Variants in C16orf96 observed in about 807,000 individuals in gnomAD.
The protein encoded by C16orf96 is uncharacterized protein C16orf96.
A neutral mutation model predicts 103.6 loss-of-function variants in C16orf96; 108 were observed. The observed-to-expected ratio is 1.04, with a 90% CI of 0.89 to 1.22. The LOEUF (loss-of-function observed/expected upper bound fraction) is 1.22, where lower values mean the gene tolerates loss of function less well. Ranked by LOEUF, C16orf96 falls within the 50% of genes most tolerant of loss-of-function variation. The probability of loss-of-function intolerance (pLI) is 0.00; values close to 1 mark genes in which losing one functional copy is unlikely to be tolerated. For missense variants in C16orf96, 1,586 were observed against 1,464.2 expected (o/e 1.08, Z -1.36); for synonymous variants, 566 against 593.5 (o/e 0.95, Z 0.67).
chr16:4,578,864 GAGAAGCAGCT>G (rs1567448556), intron 5 of C16orf96, 66 bp from the exon 6 acceptor site: 25 of 1,131,544 alleles, frequency 2.2e-5, no homozygotes, highest in Non-Finnish European at 2.9e-5. Context: ...TGCTCCATAA[GAGAAGCAGCT>G]AGAGCCCAAC....
chr16:4,544,752 A>G, the C16orf96 span, among the ~76,000 whole-genome samples: 1 of 152,170 alleles, frequency 6.6e-6, no homozygotes, highest in Non-Finnish European at 1.5e-5. Context: ...CCTCAGACCA[A>G]TGGCAGCTGG....
the C16orf96 span, among the ~76,000 whole-genome samples, chr16:4,544,716 C>T: frequency 1.3e-5 from 2 of 152,306 alleles, no homozygotes; most frequent in South Asian, 2.1e-4. Flanking sequence ...TAGGTCACTG[C>T]TCATAGTGCC....
chr16:4,577,230 C>G (rs1299407086), intron 5 of C16orf96, among the ~76,000 whole-genome samples: 1 of 152,010 alleles, frequency 6.6e-6, no homozygotes, highest in Non-Finnish European at 1.5e-5. Flanking sequence ...TTGTGATAGC[C>G]CATAAAACAG....
chr16:4,542,711 T>C, the C16orf96 span, among the ~76,000 whole-genome samples: 1 of 152,010 alleles, frequency 6.6e-6, no homozygotes, highest in Non-Finnish European at 1.5e-5. Flanking sequence ...GGCAGGAGAA[T>C]AGCTTCAACT....
chr16:4,576,395 G>C lies in C16orf96; in HGVS notation c.1915G>C (p.Gly639Arg), dbSNP rs972141746. The change falls in exon 5 of 16, where the codon GGC becomes CGC. Residue 639 changes from glycine to arginine, a missense_variant. By Grantham distance (125) the Gly-to-Arg change is moderately radical. Transcript: ENST00000444310. ...SRGATESQILGDDSEIYEILS... is the reference protein window; with the variant it reads ...SRGATESQILRDDSEIYEILS... ...GGGAGCCACAGAATCCCAGATCTTGGGCGATGATTCCGAAATCTACGAAAT... is the reference window on the plus strand; with the variant it reads ...GGGAGCCACAGAATCCCAGATCTTGCGCGATGATTCCGAAATCTACGAAAT... The C allele has an allele frequency of 1.9e-6, 3 of 1,550,932 alleles. No homozygotes were observed. The highest frequency in any genetic ancestry group is 2.7e-5 in the African/African-American group (2 of 73,042).
intron 7 of C16orf96, among the ~76,000 whole-genome samples, chr16:4,583,793 C>T (rs968142271): frequency 2.6e-5 from 4 of 151,626 alleles, no homozygotes; most frequent in Non-Finnish European, 4.4e-5. Flanking sequence ...GGCGTGGTGG[C>T]GCATGCCTGT....
At chr16:4,568,888 C>A (rs111874577) in intron 1 of C16orf96, among the ~76,000 whole-genome samples, 84 of 152,096 alleles carry the variant, frequency 5.5e-4, no homozygotes, top group African/African-American at 2.0e-3. Context: ...CTTCAGCCCC[C>A]CAAAATGCTG....
intron 7 of C16orf96, among the ~76,000 whole-genome samples, chr16:4,585,101 C>G (rs960926283): frequency 2.0e-5 from 3 of 151,960 alleles, no homozygotes; most frequent in Non-Finnish European, 4.4e-5. Context: ...GAGCTGAGCT[C>G]GCACCACTGC....
At chr16:4,554,973 G>A (rs2059249196), upstream of C16orf96, among the ~76,000 whole-genome samples, 2 of 151,716 alleles carry the variant, frequency 1.3e-5, no homozygotes. Context: ...CCAGAAAATG[G>A]AACACTTGGC....
chr16:4,564,537 G>C (rs138719806), intron 1 of C16orf96, among the ~76,000 whole-genome samples: 1 of 152,190 alleles, frequency 6.6e-6, no homozygotes, highest in African/African-American at 2.4e-5. Context: ...AAGGCTGGGC[G>C]TGGTGGTTTA....
At chr16:4,594,328 G>A in intron 12 of C16orf96, 23 bp from the exon 13 acceptor site, 1 of 1,548,720 alleles carries the variant, frequency 6.5e-7, no homozygotes. Flanking sequence ...CCAGGTCGCT[G>A]CTGACCCACT....
chr16:4,552,776 C>G (rs928805269), upstream of C16orf96, among the ~76,000 whole-genome samples: 14 of 152,178 alleles, frequency 9.2e-5, no homozygotes, highest in African/African-American at 3.4e-4. Context: ...AATTTCTGCT[C>G]TGTCAGAGCA....
intron 7 of C16orf96, among the ~76,000 whole-genome samples, chr16:4,584,003 A>C (rs1262686452): frequency 2.0e-5 from 3 of 152,072 alleles, no homozygotes; most frequent in African/African-American, 7.2e-5. Flanking sequence ...TGACCACTAC[A>C]GGAAGGATGG....
At position 4,597,532 on chromosome 16, in the gene C16orf96, GAA is replaced by G. The variant is rs577548118; in HGVS notation, c.3128-1751_3128-1750del. 6.6e-5 allele frequency among the ~76,000 whole-genome samples: 10 copies of G among 151,974 alleles called. 1 individual carries two copies. In the South Asian group the frequency reaches 2.1e-3, roughly 32 times the overall value. ...AGACCCACACAGCAAGCCAGGACTT[GAA>G]TCATGATGGCGTCAACTGCTTCATC... On this transcript the variant is annotated intron_variant, in intron 14 of 15. Coordinates refer to ENST00000444310, the MANE Select transcript of C16orf96 (RefSeq NM_001145011.2).
Position 4,574,973 on chromosome 16 carries a change from C to T in C16orf96, c.608C>T (p.Ala203Val). The T allele has an allele frequency of 6.4e-7, 1 of 1,551,388 alleles. No individual in the cohort carries two copies. Among genetic ancestry groups the T allele is most frequent in the Non-Finnish European group, 8.7e-7 (1 of 1,146,940 alleles). Residue 203 changes from alanine to valine, a missense_variant and splice_region_variant, in exon 4 of 16, where the codon GCT (alanine) becomes GTT (valine). Coordinates refer to ENST00000444310, the MANE Select transcript of C16orf96 (RefSeq NM_001145011.2). The stretch of plus-strand genomic sequence containing the variant: ...TCATTTTCTACCCCCACCTTGCAGG[C>T]TTCTCTCCAGAATAAGTTTAAAACC... ...WKMVALQREV[A>V]SLQNKFKTIP...
rs1232540531 is a variant in C16orf96, at chr16:4,575,689, C to T, written c.1209C>T (p.Gly403=). The change falls in exon 5 of 16, where the codon GGC becomes GGT. Residue 403 remains glycine, a synonymous_variant. Coordinates refer to ENST00000444310, the MANE Select transcript of C16orf96 (RefSeq NM_001145011.2). ...WPLPQGWPRV[G]SWPLWDLGVL... is the part of the protein sequence containing the mutation. ...TTCCCCAAGGCTGGCCCAGGGTGGG[C>T]TCTTGGCCTCTGTGGGACTTAGGTG... The T allele has an allele frequency of 6.5e-7, 1 of 1,534,478 alleles. No homozygotes were observed. The highest frequency in any genetic ancestry group is 8.8e-7 in the Non-Finnish European group (1 of 1,139,218).
intron 1 of C16orf96, among the ~76,000 whole-genome samples, chr16:4,566,980 AT>A (rs1021173887): frequency 5.3e-5 from 8 of 151,464 alleles, no homozygotes; most frequent in African/African-American, 1.7e-4. Context: ...TTTCTGTACT[AT>A]TTTTTTATCC....
Position 4,575,437 on chromosome 16 carries a change from G to A in C16orf96, c.957G>A (p.Gly319=), listed in dbSNP as rs1445899550. ...PPALTPESAP[G]CTTEFAPGPA... The stretch of plus-strand genomic sequence containing the variant: ...CCCTCACGCCTGAGTCTGCACCTGG[G>A]TGCACAACTGAATTTGCACCTGGGC... The change falls in exon 5 of 16, where the codon GGG becomes GGA. Residue 319 remains glycine (G), a synonymous_variant. Transcript: ENST00000444310. 2 of 1,549,320 alleles carry A rather than the reference G, an allele frequency of 1.3e-6. No homozygotes were observed. Among genetic ancestry groups the A allele is most frequent in the African/African-American group, 1.4e-5 (1 of 73,054 alleles).
intron 6 of C16orf96, 55 bp from the exon 7 acceptor site, chr16:4,579,960 G>C (rs548520731): frequency 4.1e-5 from 60 of 1,457,486 alleles, no homozygotes; most frequent in Admixed American, 9.9e-5. Context: ...GCCCCTTCCC[G>C]GCCATGGTAA....
Sources: allele counts gnomAD v4.1 joint callset (sites outside exome capture counted in the v4.1 genomes callset), GRCh38; gene constraint gnomAD v4.1.1; transcripts MANE v1.5; gene names NCBI Gene and HGNC (gene_info 2026-07-23, HGNC 2026-07-21).